Variants in FAM186A observed in about 807,000 individuals in gnomAD.
The protein encoded by FAM186A is family with sequence similarity 186 member A.
Under a neutral mutation model 216.8 loss-of-function variants are expected in FAM186A, and 163 were observed. The ratio of observed to expected loss-of-function variants is 0.75; its 90% CI spans 0.66 to 0.86. FAM186A has a LOEUF of 0.86. Ranked by LOEUF, FAM186A falls within the 40% of genes least tolerant of loss-of-function variation. The pLI is 0.00. For missense variants in FAM186A, 2,184 were observed against 2,746.2 expected (o/e 0.80, Z 4.58); for synonymous variants, 805 against 1,025.3 (o/e 0.79, Z 4.10).
Position 50,351,434 on chromosome 12 carries a change from G to A in FAM186A, c.5398C>T (p.Gln1800Ter). ...GAPQTLRSSG[Q>*]TLVYGGQSTS... is the part of the protein sequence containing the mutation. ...GATTGACCTCCGTATACCAGGGTCT[G>A]TCCAGAGGAACGAAGAGTCTGTGGT... The change falls in exon 4 of 8, where the codon CAG (glutamine) becomes TAG (stop). Residue 1800 changes from glutamine to a stop codon, truncating the protein, a stop_gained. Transcript: ENST00000327337. LOFTEE classifies it high-confidence loss of function. 1 of 1,470,414 alleles carries A rather than the reference G, an allele frequency of 6.8e-7. No individual in the cohort carries two copies. The highest frequency in any genetic ancestry group is 2.7e-5 in the Admixed American group (1 of 36,522). 91.1% of individuals were successfully genotyped at this position (1,470,414 alleles called of 1,614,324 possible).
intron 1 of FAM186A, among the ~76,000 whole-genome samples, chr12:50,379,553 G>A (rs1272916445): frequency 5.3e-5 from 8 of 151,740 alleles, no homozygotes; most frequent in East Asian, 1.9e-4. Flanking sequence ...TTGGGAGACC[G>A]AGGCACGTGG....
intron 1 of FAM186A, among the ~76,000 whole-genome samples, chr12:50,377,132 C>T (rs1943205610): frequency 6.6e-6 from 1 of 151,794 alleles, no homozygotes; most frequent in Non-Finnish European, 1.5e-5. Flanking sequence ...CACCATTTGG[C>T]AATTAGGTAG....
At chr12:50,328,093 G>A (rs1665156927) in intron 7 of FAM186A, among the ~76,000 whole-genome samples, 1 of 152,100 alleles carries the variant, frequency 6.6e-6, no homozygotes, top group Non-Finnish European at 1.5e-5. Flanking sequence ...TATTTTAATG[G>A]AATTTTTGTA....
At chr12:50,340,925 T>G (rs1022844539) in intron 4 of FAM186A, among the ~76,000 whole-genome samples, 1 of 151,988 alleles carries the variant, frequency 6.6e-6, no homozygotes, top group African/African-American at 2.4e-5. Context: ...GCCTCCCAAG[T>G]AGCCAGCATT....
intron 4 of FAM186A, among the ~76,000 whole-genome samples, chr12:50,348,637 G>A (rs576237776): frequency 1.3e-5 from 2 of 152,064 alleles, no homozygotes; most frequent in Non-Finnish European, 2.9e-5. Flanking sequence ...TCGGCTCACT[G>A]CAAGCTCTGC....
intron 1 of FAM186A, among the ~76,000 whole-genome samples, chr12:50,386,025 G>T (rs780804226): frequency 6.6e-6 from 1 of 152,146 alleles, no homozygotes; most frequent in Non-Finnish European, 1.5e-5. Context: ...TTAGACAGGA[G>T]AAATAAGTTC....
intron 1 of FAM186A, among the ~76,000 whole-genome samples, chr12:50,369,496 CAA>C (rs35493660): frequency 4.2e-4 from 48 of 114,340 alleles, no homozygotes; most frequent in South Asian, 1.5e-3. Context: ...GACTCCGTCT[CAA>C]AAAAAAAAAA....
Position 50,355,496 on chromosome 12 carries a change from A to C in FAM186A, c.1336T>G (p.Phe446Val), listed in dbSNP as rs1942965583. 2 of 1,551,144 alleles carry C rather than the reference A, an allele frequency of 1.3e-6. No individual in the cohort carries two copies. Among genetic ancestry groups the C allele is most frequent in the Non-Finnish European group, 1.7e-6 (2 of 1,146,918 alleles). ...KDNVSLKKGD[F>V]YQEDETDEYQ... ...TCATCAGTCTCATCTTCCTGATAGA[A>C]ATCACCTTTCTTCAATGATACGTTA... Residue 446 changes from phenylalanine (F) to valine (V), a missense_variant, in exon 4 of 8, where the codon TTC becomes GTC. Physicochemically the swap from Phe to Val is conservative, Grantham distance 50. Transcript: ENST00000327337.
At chr12:50,343,203 A>C (rs1477800523) in intron 4 of FAM186A, among the ~76,000 whole-genome samples, 2 of 151,956 alleles carry the variant, frequency 1.3e-5, no homozygotes, top group Admixed American at 6.6e-5. Context: ...CAACATAGCG[A>C]GACCCTATCT....
At chr12:50,364,329 C>A (rs1775933741) in intron 1 of FAM186A, among the ~76,000 whole-genome samples, 1 of 151,224 alleles carries the variant, frequency 6.6e-6, no homozygotes, top group Non-Finnish European at 1.5e-5. Context: ...CTGAGGAGGG[C>A]AGATCGCGAG....
At position 50,328,020 on chromosome 12, in the gene FAM186A, G is replaced by A. The variant is rs1057479666; in HGVS notation, c.7035-616C>T. 3.3e-5 allele frequency among the ~76,000 whole-genome samples: 5 copies of A among 152,212 alleles called. No individual in the cohort carries two copies. In the South Asian group the frequency reaches 6.2e-4, roughly 19 times the overall value. Reference sequence around the variant, plus strand: ...GATTGTTATTTCCAAGGATAGACCTGTCTGTATTTTTTAAATTTTCAGTGA... The same window carrying A: ...GATTGTTATTTCCAAGGATAGACCTATCTGTATTTTTTAAATTTTCAGTGA... On this transcript the variant is annotated intron_variant, in intron 7 of 7. Coordinates refer to ENST00000327337, the MANE Select transcript of FAM186A (RefSeq NM_001145475.3).
Position 50,354,061 on chromosome 12 carries a change from C to T in FAM186A, c.2771G>A (p.Arg924Gln), listed in dbSNP as rs748397608. Reference sequence around the variant, plus strand: ...CATTTTTTGGGTCCCTTCTTCCAGCCGCTGCAGGCTTGACTTTGGAAGCTC... The same window carrying T: ...CATTTTTTGGGTCCCTTCTTCCAGCTGCTGCAGGCTTGACTTTGGAAGCTC... Reference protein sequence around the residue: ...EEELPKSSLQRLEEGTQKMKT... With the variant: ...EEELPKSSLQQLEEGTQKMKT... The change falls in exon 4 of 8, where the codon CGG (arginine) becomes CAG (glutamine). Residue 924 changes from arginine (R) to glutamine (Q), a missense_variant. Coordinates refer to ENST00000327337, the MANE Select transcript of FAM186A (RefSeq NM_001145475.3). 90 of 1,551,720 alleles carry T rather than the reference C, an allele frequency of 5.8e-5. 1 individual carries two copies. The highest frequency in any genetic ancestry group is 8.2e-5 in the African/African-American group (6 of 73,166).
chr12:50,350,803 T>G lies in FAM186A; in HGVS notation c.6029A>C (p.Glu2010Ala). The change falls in exon 4 of 8, where the codon GAA (glutamate) becomes GCA (alanine). Residue 2010 changes from glutamate (E) to alanine (A), a missense_variant. Physicochemically the swap from Glu to Ala is moderately radical, Grantham distance 107. Transcript: ENST00000327337. The part of the protein sequence containing the change: ...TQILRDTFAI[E>A]SFRTFQSHFT... The stretch of plus-strand genomic sequence containing the variant: ...ATGGGACTGAAATGTTCTAAATGAT[T>G]CTATAGCAAAAGTGTCTCGAAGTAT... The G allele has an allele frequency of 3.2e-6, 5 of 1,551,692 alleles. No homozygotes were observed. The highest frequency in any genetic ancestry group is 2.0e-5 in the Admixed American group (1 of 51,002).
intron 4 of FAM186A, among the ~76,000 whole-genome samples, chr12:50,346,121 AG>A (rs1286778544): frequency 6.7e-6 from 1 of 148,836 alleles, no homozygotes; most frequent in Non-Finnish European, 1.5e-5. Flanking sequence ...CAGTGAGCCA[AG>A]ATTGCACCAC....
intron 5 of FAM186A, among the ~76,000 whole-genome samples, chr12:50,332,127 AG>A (rs750731904): frequency 1.3e-4 from 20 of 152,332 alleles, no homozygotes; most frequent in Admixed American, 2.6e-4. Context: ...ATAATAACAC[AG>A]GGTTGTGAGA....
At chr12:50,363,769 AAAAG>A (rs869066190) in intron 1 of FAM186A, among the ~76,000 whole-genome samples, 1 of 54,464 alleles carries the variant, frequency 1.8e-5, no homozygotes. Flanking sequence ...CTAAAAAAAA[AAAAG>A]AAAGAAAGAA....
At chr12:50,375,449 T>C (rs545847878) in intron 1 of FAM186A, among the ~76,000 whole-genome samples, 1 of 150,476 alleles carries the variant, frequency 6.6e-6, no homozygotes, top group Admixed American at 6.7e-5. Context: ...CTTAGGAGGA[T>C]GAGGCAAAAG....
rs1459655007 is a variant in FAM186A at position 50,355,398 on chromosome 12, A to G, written c.1434T>C (p.Asp478=). The change falls in exon 4 of 8, where the codon GAT becomes GAC. Residue 478 remains aspartate, a synonymous_variant. Transcript: ENST00000327337. The stretch of plus-strand genomic sequence containing the variant: ...CTGAGACTTTCTGTCCACTTTTATT[A>G]TCACTCAGATTTGGTCCAGAGGTCT... ...VYETSGPNLS[D]NKSGQKVSEA... is the part of the protein sequence containing the mutation. 2 of 1,551,230 alleles carry G rather than the reference A, an allele frequency of 1.3e-6. No homozygotes were observed. Among genetic ancestry groups the G allele is most frequent in the Non-Finnish European group, 1.7e-6 (2 of 1,146,990 alleles).
intron 4 of FAM186A, among the ~76,000 whole-genome samples, chr12:50,343,289 G>A (rs1164086983): frequency 6.6e-6 from 1 of 152,048 alleles, no homozygotes; most frequent in Non-Finnish European, 1.5e-5. Context: ...CAATCCTCCC[G>A]CCTTAGCTTC....
Sources: gnomAD v4.1 joint callset for allele counts (sites outside exome capture counted in the v4.1 genomes callset) on GRCh38, gnomAD v4.1.1 for gene constraint, MANE v1.5 for transcripts, NCBI Gene and HGNC (gene_info 2026-07-23, HGNC 2026-07-21) for gene names.